CNGB1: variants seen among roughly 807,000 people sequenced by gnomAD.
CNGB1 encodes the protein cyclic nucleotide-gated channel beta-1.
Under a neutral mutation model 151.7 loss-of-function variants are expected in CNGB1, and 126 were observed. The observed-to-expected ratio is 0.83, with a 90% CI of 0.72 to 0.96. The LOEUF is 0.96. Among genes scored for constraint, CNGB1 ranks in the 40% least tolerant of loss-of-function variants. The pLI, the probability that CNGB1 is intolerant of heterozygous loss-of-function variation, is 0.00. For synonymous variants in CNGB1, 623 were observed against 635.1 expected (o/e 0.98, Z 0.29); for missense variants, 1,698 against 1,627.0 (o/e 1.04, Z -0.75).
intron 20 of CNGB1, among the ~76,000 whole-genome samples, chr16:57,918,882 T>C (rs779429512): frequency 2.6e-5 from 4 of 152,222 alleles, no homozygotes; most frequent in Non-Finnish European, 4.4e-5. Flanking sequence ...GTATCTTTAA[T>C]AGAGGCAGGG....
intron 19 of CNGB1, among the ~76,000 whole-genome samples, chr16:57,919,879 C>T (rs1428765730): frequency 6.6e-6 from 1 of 152,118 alleles, no homozygotes; most frequent in Non-Finnish European, 1.5e-5. Context: ...ACCATGATTT[C>T]CAAGATACAG....
intron 16 of CNGB1, among the ~76,000 whole-genome samples, chr16:57,932,176 A>T (rs1389496978): frequency 6.6e-6 from 1 of 152,138 alleles, no homozygotes; most frequent in African/African-American, 2.4e-5. Context: ...CTCAAAGCCC[A>T]GTTTGGTTTC....
intron 1 of CNGB1, among the ~76,000 whole-genome samples, chr16:57,969,143 T>C (rs1485177558): frequency 6.7e-6 from 1 of 149,200 alleles, no homozygotes; most frequent in African/African-American, 2.5e-5. Flanking sequence ...CCATCTCCAC[T>C]AAAAATACAA....
At chr16:57,959,809 C>A (rs1962190630) in intron 10 of CNGB1, 79 bp downstream of exon 10, 1 of 1,406,016 alleles carries the variant, frequency 7.1e-7, no homozygotes, top group Admixed American at 3.1e-5. Flanking sequence ...TTCCAGGTTT[C>A]CAGGAGGTTG....
At chr16:57,896,037 G>C (rs1960215001) in intron 31 of CNGB1, among the ~76,000 whole-genome samples, 1 of 152,144 alleles carries the variant, frequency 6.6e-6, no homozygotes, top group African/African-American at 2.4e-5. Context: ...TAATCAAGGA[G>C]GGAGTGGAGT....
intron 14 of CNGB1, among the ~76,000 whole-genome samples, 193 bp from the exon 15 acceptor site, chr16:57,940,514 A>G (rs1489639485): frequency 6.6e-6 from 1 of 152,108 alleles, no homozygotes; most frequent in Admixed American, 6.5e-5. Flanking sequence ...TGCACTCAGC[A>G]AGGCACTGTG....
intron 14 of CNGB1, chr16:57,946,711 G>A (rs893886155): frequency 1.6e-4 from 25 of 152,266 alleles, no homozygotes; most frequent in African/African-American, 6.0e-4. Context: ...TCAGTAACCT[G>A]TGTCTCTGCA....
At chr16:57,890,892 G>A (rs1223442733) in intron 31 of CNGB1, among the ~76,000 whole-genome samples, 1 of 152,226 alleles carries the variant, frequency 6.6e-6, no homozygotes, top group Admixed American at 6.5e-5. Flanking sequence ...ACTCATGGCT[G>A]AGACCCCCAT....
At chr16:57,895,501 A>G (rs1389003742) in intron 31 of CNGB1, among the ~76,000 whole-genome samples, 3 of 150,296 alleles carry the variant, frequency 2.0e-5, no homozygotes, top group African/African-American at 7.3e-5. Context: ...ATACATGTAT[A>G]TGTGTGTGTA....
chr16:57,959,321 A>G (rs1246181740), intron 10 of CNGB1, among the ~76,000 whole-genome samples: 2 of 152,082 alleles, frequency 1.3e-5, no homozygotes, highest in African/African-American at 4.8e-5. Context: ...AAAAAAAAAA[A>G]AGAGGAAGCA....
At chr16:57,889,496 G>A (rs1960028239) in intron 31 of CNGB1, among the ~76,000 whole-genome samples, 1 of 152,208 alleles carries the variant, frequency 6.6e-6, no homozygotes, top group African/African-American at 2.4e-5. Context: ...CTTGAGATGA[G>A]AGCCTGCTCT....
In CNGB1 at chr16:57,917,342, A is replaced by G. The variant is rs761462823; in HGVS notation, c.2092T>C (p.Cys698Arg). 2 of 1,614,128 alleles carry G rather than the reference A, an allele frequency of 1.2e-6. No homozygotes were observed. The highest frequency in any genetic ancestry group is 1.7e-6 in the Non-Finnish European group (2 of 1,180,030). ...IHHWLLMDYL[C>R]DLIYFLDITV... ...ATGTCCAGGAAGTAGATGAGGTCGC[A>G]TAGGTAATCCATCAGCAGCCAGTGG... The change falls in exon 21 of 33, where the codon TGC becomes CGC. Residue 698 changes from cysteine to arginine, a missense_variant. Transcript: ENST00000251102.
intron 32 of CNGB1, among the ~76,000 whole-genome samples, chr16:57,886,808 C>T (rs1316583509): frequency 6.6e-6 from 1 of 152,128 alleles, no homozygotes; most frequent in Non-Finnish European, 1.5e-5. Context: ...TTTTAATGTC[C>T]CCCATAGGTT....
chr16:57,959,341 G>A (rs1208320310), intron 10 of CNGB1, among the ~76,000 whole-genome samples: 1 of 151,840 alleles, frequency 6.6e-6, no homozygotes, highest in East Asian at 1.9e-4. Flanking sequence ...AGGCCAGGCC[G>A]GGTGGCTCAT....
At position 57,904,708 on chromosome 16, in the gene CNGB1, G is replaced by A. The variant is rs776412158; in HGVS notation, c.2634+26C>T. 39 of 1,613,572 alleles carry A rather than the reference G, an allele frequency of 2.4e-5. No homozygotes were observed. In the African/African-American group the frequency reaches 3.5e-4, roughly 14 times the overall value. ...AGGGGGCCCTGCAGTCAGGTGGGGTGGGAAGCTGGGCTGGTGCCCCGATAC... is the reference window on the plus strand; with the variant it reads ...AGGGGGCCCTGCAGTCAGGTGGGGTAGGAAGCTGGGCTGGTGCCCCGATAC... On this transcript the variant is annotated intron_variant, in intron 26 of 32. Coordinates refer to ENST00000251102, the MANE Select transcript of CNGB1 (RefSeq NM_001297.5).
intron 27 of CNGB1, 59 bp from the exon 28 acceptor site, chr16:57,901,684 T>C (rs1960397202): frequency 1.4e-6 from 2 of 1,433,358 alleles, no homozygotes; most frequent in East Asian, 4.6e-5. Flanking sequence ...CAGACATACA[T>C]ACCGGCCAAG....
At chr16:57,913,696 G>T (rs1052392736) in intron 23 of CNGB1, among the ~76,000 whole-genome samples, 30 of 152,124 alleles carry the variant, frequency 2.0e-4, no homozygotes, top group Admixed American at 3.3e-4. Context: ...ACCCAGGTTG[G>T]TCTCACATTT....
intron 14 of CNGB1, among the ~76,000 whole-genome samples, chr16:57,947,433 T>A (rs1281489022): frequency 6.6e-6 from 1 of 152,176 alleles, no homozygotes; most frequent in African/African-American, 2.4e-5. Context: ...AGGCAGCAGC[T>A]AAGTTCCTCA....
chr16:57,884,608 C>G, intron 32 of CNGB1, 151 bp from the exon 33 acceptor site: 1 of 786,400 alleles, frequency 1.3e-6, no homozygotes, highest in Non-Finnish European at 2.1e-6. Flanking sequence ...GGTGGAGCCG[C>G]ATCGGGGTTA....
Sources: gnomAD v4.1 joint callset for allele counts (sites outside exome capture counted in the v4.1 genomes callset) on GRCh38, gnomAD v4.1.1 for gene constraint, MANE v1.5 for transcripts, NCBI Gene and HGNC (gene_info 2026-07-23, HGNC 2026-07-21) for gene names.